Variants in COL23A1 observed in about 807,000 individuals in gnomAD.
COL23A1 encodes collagen alpha-1(XXIII) chain.
Under a neutral mutation model 99.3 loss-of-function variants are expected in COL23A1, and 97 were observed. That is an observed-to-expected ratio of 0.98 (90% CI 0.83 to 1.16). COL23A1 has a LOEUF of 1.16. Ranked by LOEUF, COL23A1 falls within the 50% of genes most tolerant of loss-of-function variation. The pLI is 0.00. For missense variants in COL23A1, 762 were observed against 757.4 expected, an observed-to-expected ratio of 1.01 and a Z score of -0.07; for synonymous variants, 320 against 308.2, an observed-to-expected ratio of 1.04 and a Z score of -0.40.
chr5:178,589,961 C>A lies in COL23A1; in HGVS notation c.237G>T (p.Gly79=), dbSNP rs1318871746. The change falls in exon 1 of 29, where the codon GGG becomes GGT. Residue 79 remains glycine (G), a synonymous_variant. Transcript: ENST00000390654. This position sits in a 1 kb window ranked among gnomAD's most constrained non-coding sequence, Gnocchi z 5.4. ...CCCAGGCGTCCAGGGCGCCTGGCGGCCCCGCGCGCCGCAGCAGCTCCCGCT... is the reference window on the plus strand; with the variant it reads ...CCCAGGCGTCCAGGGCGCCTGGCGGACCCGCGCGCCGCAGCAGCTCCCGCT... ...EEERELLRRA[G]PPGALDAWAE... The A allele has an allele frequency of 7.5e-7, 1 of 1,328,590 alleles. No homozygotes were observed. The highest frequency in any genetic ancestry group is 2.0e-5 in the South Asian group (1 of 49,462). The allele number at this position is 1,328,590 out of a possible 1,614,324, so 82.3% of individuals were successfully genotyped here. A position where few individuals can be genotyped will look rare whatever the true frequency, so the allele number is the denominator to read the frequency against.
chr5:178,498,940 AT>A (rs1258127983), intron 2 of COL23A1, among the ~76,000 whole-genome samples: 1 of 146,886 alleles, frequency 6.8e-6, no homozygotes, highest in Non-Finnish European at 1.5e-5. Flanking sequence ...AAAAAAAAAA[AT>A]TAATCAGACA....
chr5:178,542,321 G>T (rs186088129), intron 2 of COL23A1, among the ~76,000 whole-genome samples: 1 of 152,136 alleles, frequency 6.6e-6, no homozygotes, highest in Non-Finnish European at 1.5e-5. Flanking sequence ...GTGAGCCACC[G>T]TGCCCGGCCC....
At chr5:178,357,503 G>A (rs960571830) in intron 2 of COL23A1, among the ~76,000 whole-genome samples, 4 of 152,214 alleles carry the variant, frequency 2.6e-5, no homozygotes, top group African/African-American at 7.2e-5. Flanking sequence ...GTCCGCTGGG[G>A]AAACAAGTGA....
At chr5:178,424,038 T>C (rs1036451482) in intron 2 of COL23A1, among the ~76,000 whole-genome samples, 4 of 152,158 alleles carry the variant, frequency 2.6e-5, no homozygotes, top group African/African-American at 4.8e-5. Context: ...CACAAATAAA[T>C]AGCAGAACCT....
At chr5:178,442,616 G>A (rs545358151) in intron 2 of COL23A1, among the ~76,000 whole-genome samples, 108 of 152,242 alleles carry the variant, frequency 7.1e-4, no homozygotes, top group Middle Eastern at 3.4e-3. Flanking sequence ...CTCACAAATC[G>A]CTCAGTCCCC....
chr5:178,538,840 G>A (rs919498068), intron 2 of COL23A1, among the ~76,000 whole-genome samples: 2 of 152,152 alleles, frequency 1.3e-5, no homozygotes, highest in African/African-American at 2.4e-5. Context: ...ATCAACTGAT[G>A]AAAGGATAAA....
intron 2 of COL23A1, among the ~76,000 whole-genome samples, chr5:178,357,712 G>GTA (rs1761740173): frequency 2.9e-5 from 3 of 101,934 alleles, no homozygotes; most frequent in African/African-American, 9.9e-5. Context: ...GATTTAAAAT[G>GTA]TGTGTATGTG....
chr5:178,396,873 T>G (rs1210294060), intron 2 of COL23A1, among the ~76,000 whole-genome samples: 1 of 151,882 alleles, frequency 6.6e-6, no homozygotes, highest in Non-Finnish European at 1.5e-5. Context: ...CGCTCTGGGC[T>G]CCTGCCCAGG....
intron 2 of COL23A1, among the ~76,000 whole-genome samples, chr5:178,334,972 C>T (rs1000263918): frequency 1.3e-5 from 2 of 152,216 alleles, no homozygotes; most frequent in Non-Finnish European, 2.9e-5. Flanking sequence ...CTGATGAGCA[C>T]GTTCCGACAT....
chr5:178,416,416 T>C (rs1343287142), intron 2 of COL23A1, among the ~76,000 whole-genome samples: 1 of 152,116 alleles, frequency 6.6e-6, no homozygotes, highest in Admixed American at 6.5e-5. Flanking sequence ...TGGATCAGCT[T>C]GGCCTTGGGG....
intron 2 of COL23A1, among the ~76,000 whole-genome samples, chr5:178,368,156 T>A (rs1762592919): frequency 6.6e-6 from 1 of 152,144 alleles, no homozygotes; most frequent in African/African-American, 2.4e-5. Context: ...GATCAACTTG[T>A]TTTGTCTAGA....
intron 2 of COL23A1, among the ~76,000 whole-genome samples, chr5:178,502,194 T>C (rs693751): frequency 0.078 from 11,892 of 152,144 alleles, 1,262 homozygotes; most frequent in East Asian, 0.52. Context: ...TGCAGTGGCG[T>C]GATCTCGGCC....
In COL23A1 at chr5:178,256,877, G is replaced by A; in HGVS notation, c.826C>T (p.Pro276Ser). 6.2e-7 allele frequency: 1 copy of A among 1,613,200 alleles called. No homozygotes were observed. The change falls in exon 14 of 29, where the codon CCA becomes TCA. Residue 276 changes from proline to serine, a missense_variant. Physicochemically the swap from Pro to Ser is moderately conservative, Grantham distance 74 (BLOSUM62 -1). Transcript: ENST00000390654. ...PRGENGVDGA[P>S]GPKGEPGHRG... ...AGCTCTCATGTCACCTTCGGTCCTGGGGCACCGTCCACACCGTTCTCTCCC... is the reference window on the plus strand; with the variant it reads ...AGCTCTCATGTCACCTTCGGTCCTGAGGCACCGTCCACACCGTTCTCTCCC...
chr5:178,511,088 C>T (rs1029579815), intron 2 of COL23A1, among the ~76,000 whole-genome samples: 4 of 152,164 alleles, frequency 2.6e-5, no homozygotes, highest in African/African-American at 7.2e-5. Flanking sequence ...ATTATTGTAA[C>T]GTGGGAGACT....
At chr5:178,326,932 C>G (rs562941784) in intron 2 of COL23A1, among the ~76,000 whole-genome samples, 12 of 152,236 alleles carry the variant, frequency 7.9e-5, no homozygotes, top group Non-Finnish European at 1.5e-4. Context: ...GCTGGTCAGG[C>G]TGGTCTCGAA....
intron 1 of COL23A1, among the ~76,000 whole-genome samples, chr5:178,565,436 C>T (rs993122729): frequency 2.0e-5 from 3 of 152,192 alleles, no homozygotes; most frequent in Non-Finnish European, 4.4e-5. Flanking sequence ...AGCTTCTCTG[C>T]TCCCCTTCTA....
intron 2 of COL23A1, among the ~76,000 whole-genome samples, chr5:178,357,274 C>T (rs1761708703): frequency 1.3e-5 from 2 of 152,198 alleles, no homozygotes; most frequent in African/African-American, 4.8e-5. Context: ...ACCTCCTTCC[C>T]TTCTCACAGG....
At position 178,307,816 on chromosome 5, in the gene COL23A1, C is replaced by T. The variant is rs911507792; in HGVS notation, c.362-897G>A. On this transcript the variant is annotated intron_variant, in intron 2 of 28. Transcript: ENST00000390654. This position sits in a 1 kb window ranked among gnomAD's most constrained non-coding sequence, Gnocchi z 4.2. Reference sequence around the variant, plus strand: ...TGGCATTTGATACGTCTTGCTCACCCACTGTATGCCAGGATCTGGGCTGGG... The same window carrying T: ...TGGCATTTGATACGTCTTGCTCACCTACTGTATGCCAGGATCTGGGCTGGG... Among the ~76,000 whole-genome samples, 2 of 152,230 alleles carry T rather than the reference C, an allele frequency of 1.3e-5. No individual in the cohort carries two copies. Among genetic ancestry groups the T allele is most frequent in the African/African-American group, 4.8e-5 (2 of 41,442 alleles).
At chr5:178,410,321 A>G (rs1034621495) in intron 2 of COL23A1, among the ~76,000 whole-genome samples, 1 of 152,228 alleles carries the variant, frequency 6.6e-6, no homozygotes, top group Non-Finnish European at 1.5e-5. Context: ...GATTCAATGC[A>G]CTTCCTATCA....
Sources: allele counts gnomAD v4.1 joint callset (sites outside exome capture counted in the v4.1 genomes callset), GRCh38; gene constraint gnomAD v4.1.1; non-coding constraint Gnocchi (gnomAD v3.1); transcripts MANE v1.5; gene names NCBI Gene and HGNC (gene_info 2026-07-23, HGNC 2026-07-21).